OVCH2: variants seen among roughly 807,000 people sequenced by gnomAD.
The protein encoded by OVCH2 is ovochymase 2.
OVCH2 carries 88 observed loss-of-function variants against 73.7 expected under a neutral mutation model. The observed-to-expected ratio is 1.19, with a 90% CI of 1.01 to 1.43. The LOEUF (loss-of-function observed/expected upper bound fraction) is 1.43, where lower values mean the gene tolerates loss of function less well. Ranked by LOEUF, OVCH2 falls within the 40% of genes most tolerant of loss-of-function variation. OVCH2 has a pLI of 0.00. For missense variants in OVCH2, 706 were observed against 674.5 expected (o/e 1.05, Z -0.52); for synonymous variants, 265 against 234.5 (o/e 1.13, Z -1.19).
downstream of OVCH2, among the ~76,000 whole-genome samples, chr11:7,685,947 C>T (rs1024537437): frequency 2.0e-5 from 3 of 151,982 alleles, no homozygotes; most frequent in African/African-American, 7.3e-5. Flanking sequence ...AAAACAGATC[C>T]AAAGGCCAGG....
At position 7,695,612 on chromosome 11, in the gene OVCH2, A is replaced by T; in HGVS notation, c.1240T>A (p.Phe414Ile). ...TTAAGAGCTTTATAGGTAAGATTAAACCCAGCTGCATTATCTGTGGCATCA... is the reference window on the plus strand; with the variant it reads ...TTAAGAGCTTTATAGGTAAGATTAATCCCAGCTGCATTATCTGTGGCATCA... The part of the protein sequence containing the change: ...VSDATDNAAG[F>I]NLTYKALKPN... The change falls in exon 11 of 16, where the codon TTT becomes ATT. Residue 414 changes from phenylalanine to isoleucine, a missense_variant. Transcript: ENST00000533663. 6.2e-7 allele frequency: 1 copy of T among 1,613,190 alleles called. No individual in the cohort carries two copies. Among genetic ancestry groups the T allele is most frequent in the Non-Finnish European group, 8.5e-7 (1 of 1,179,736 alleles).
intron 6 of OVCH2, 94 bp downstream of exon 6, chr11:7,701,230 A>T: frequency 7.1e-7 from 1 of 1,413,716 alleles, no homozygotes; most frequent in Non-Finnish European, 9.4e-7. Context: ...CTTTCTAATT[A>T]AATTAAATTT....
intron 3 of OVCH2, among the ~76,000 whole-genome samples, chr11:7,702,761 A>C (rs904718689): frequency 6.6e-6 from 1 of 152,178 alleles, no homozygotes; most frequent in Non-Finnish European, 1.5e-5. Context: ...CTTAGTATAT[A>C]TTATAAGGCA....
At position 7,701,377 on chromosome 11, in the gene OVCH2, C is replaced by T. The variant is rs1202583505; in HGVS notation, c.658G>A (p.Gly220Arg). 1.2e-6 allele frequency: 2 copies of T among 1,613,184 alleles called. No individual in the cohort carries two copies. The highest frequency in any genetic ancestry group is 1.3e-5 in the African/African-American group (1 of 74,894). ...ALLTLKRPIS[G>R]KTFLCTGFPD... ...AAACCTGTGCAAAGAAAGGTCTTCC[C>T]ACTGATGGGCCTCTTTAGTGTTAAC... is the stretch of plus-strand genomic sequence containing the variant. Residue 220 changes from glycine to arginine, a missense_variant, in exon 6 of 16, where the codon GGG becomes AGG. Gly to Arg is a moderately radical substitution (Grantham distance 125). Transcript: ENST00000533663.
the OVCH2 span, among the ~76,000 whole-genome samples, chr11:7,681,858 A>G: frequency 3.3e-5 from 5 of 151,194 alleles, no homozygotes; most frequent in Non-Finnish European, 7.4e-5. Context: ...ATGTCCAAAA[A>G]AAAAAAAAAA....
At position 7,694,803 on chromosome 11, in the gene OVCH2, CTTTTTTTTT is replaced by C. The variant is rs34314441; in HGVS notation, c.1413+246_1413+254del. Among the ~76,000 whole-genome samples, 35 of 108,380 alleles carry C rather than the reference CTTTTTTTTT, an allele frequency of 3.2e-4. 1 individual carries two copies. The highest frequency in any genetic ancestry group is 1.1e-3 in the African/African-American group (31 of 27,588). 71.1% of individuals were successfully genotyped at this position (108,380 alleles called of 152,430 possible). A position where few individuals can be genotyped will look rare whatever the true frequency, so the allele number is the denominator to read the frequency against. ...ATTCAATACAAAGATTAAAGCGGCACTTTTTTTTTTTTTTTTTTTTTTTAAAGTAAGGAG... is the reference window on the plus strand; with the variant it reads ...ATTCAATACAAAGATTAAAGCGGCACTTTTTTTTTTTTTTAAAGTAAGGAG... On this transcript the variant is annotated intron_variant, in intron 12 of 15. Coordinates refer to ENST00000533663, the MANE Select transcript of OVCH2 (RefSeq NM_198185.7).
At chr11:7,700,266 C>A (rs1463334695) in intron 7 of OVCH2, 30 bp downstream of exon 7, 1 of 1,606,758 alleles carries the variant, frequency 6.2e-7, no homozygotes, top group Admixed American at 1.7e-5. Context: ...AGAATGGCAG[C>A]TTCTTAACCT....
chr11:7,702,309 T>C lies in OVCH2; in HGVS notation c.311A>G (p.Asn104Ser). Residue 104 changes from asparagine to serine, a missense_variant, in exon 4 of 16, where the codon AAT (asparagine) becomes AGT (serine). Coordinates refer to ENST00000533663, the MANE Select transcript of OVCH2 (RefSeq NM_198185.7). ...TAAGTCATACTCTCCAGCAGTAACATTCAAAGTAGACACAATGTTTCTATG... is the reference window on the plus strand; with the variant it reads ...TAAGTCATACTCTCCAGCAGTAACACTCAAAGTAGACACAATGTTTCTATG... ...IANRNIVSTL[N>S]VTAGEYDLSQ... The C allele has an allele frequency of 6.3e-7, 1 of 1,596,674 alleles. No individual in the cohort carries two copies. Among genetic ancestry groups the C allele is most frequent in the Non-Finnish European group, 8.5e-7 (1 of 1,174,952 alleles).
In OVCH2 at chr11:7,702,168, G is replaced by T. The variant is rs774713877; in HGVS notation, c.452C>A (p.Ala151Asp). The T allele has an allele frequency of 1.9e-6, 3 of 1,610,060 alleles. No individual in the cohort carries two copies. In the East Asian group the frequency reaches 6.7e-5, roughly 36 times the overall value. Residue 151 changes from alanine to aspartate, a missense_variant, in exon 4 of 16, where the codon GCC (alanine) becomes GAC (aspartate). Ala to Asp is a moderately radical substitution (Grantham distance 126, BLOSUM62 -2). Coordinates refer to ENST00000533663, the MANE Select transcript of OVCH2 (RefSeq NM_198185.7). ...CCTCAAATGTTTACCAAATTGGAAG[G>T]CTCCAGCCATCTTCAAAAGGGCAAT... ...YDIALLKMAG[A>D]FQFGHFVGPI...
At chr11:7,685,774 C>T (rs1856136073), downstream of OVCH2, among the ~76,000 whole-genome samples, 1 of 152,084 alleles carries the variant, frequency 6.6e-6, no homozygotes, top group South Asian at 2.1e-4. Flanking sequence ...ACATCTCTAC[C>T]TTCTCTTGTA....
intron 10 of OVCH2, 55 bp downstream of exon 10, chr11:7,696,410 C>A: frequency 6.2e-7 from 1 of 1,606,210 alleles, no homozygotes; most frequent in South Asian, 1.1e-5. Flanking sequence ...ATAACTAGGC[C>A]TCATTAAGCC....
rs554400860 is a variant in OVCH2, at chr11:7,692,192, A to C, written c.1414-197T>G. On this transcript the variant is annotated intron_variant, in intron 12 of 15. Transcript: ENST00000533663. ...CAGGCTCTAACTTTTTGAAATAGCT[A>C]CCAAATATGGCCTGAATCAAAGGGC... 3.0e-4 allele frequency among the ~76,000 whole-genome samples: 46 copies of C among 152,336 alleles called. 2 individuals are homozygous for C. In the South Asian group the frequency reaches 9.5e-3, roughly 32 times the overall value.
chr11:7,701,323 C>T lies in OVCH2; in HGVS notation c.711+1G>A, dbSNP rs1412344763. Reference sequence around the variant, plus strand: ...CTGACAGCCCCGCAGCTCCCACCCACCTGACATGCGTCTCTCCCTCCATCA... The same window carrying T: ...CTGACAGCCCCGCAGCTCCCACCCATCTGACATGCGTCTCTCCCTCCATCA... On this transcript the variant is annotated splice_donor_variant, in intron 6 of 15. Coordinates refer to ENST00000533663, the MANE Select transcript of OVCH2 (RefSeq NM_198185.7). LOFTEE classifies it high-confidence loss of function. The T allele has an allele frequency of 1.9e-6, 3 of 1,610,670 alleles. No homozygotes were observed. In the East Asian group the frequency reaches 6.7e-5, roughly 36 times the overall value.
At chr11:7,699,021 A>G (rs986345066) in intron 7 of OVCH2, 4 of 441,648 alleles carry the variant, frequency 9.1e-6, no homozygotes, top group Non-Finnish European at 1.6e-5. Flanking sequence ...GGTTTCACAG[A>G]GGAAGGGGTC....
chr11:7,701,507 G>GAACTCT (rs758933027), intron 5 of OVCH2, 32 bp from the exon 6 acceptor site: 2 of 1,598,686 alleles, frequency 1.3e-6, no homozygotes, highest in Admixed American at 1.7e-5. Context: ...GCCCCAGCAG[G>GAACTCT]AACTCTTTCA....
intron 14 of OVCH2, 120 bp downstream of exon 14, chr11:7,691,149 G>T: frequency 8.1e-7 from 1 of 1,229,686 alleles, no homozygotes; most frequent in Non-Finnish European, 1.1e-6. Flanking sequence ...TGACTTGATA[G>T]GATGTAATTA....
At chr11:7,697,580 T>C (rs1472653910) in intron 8 of OVCH2, among the ~76,000 whole-genome samples, 3 of 152,218 alleles carry the variant, frequency 2.0e-5, no homozygotes, top group African/African-American at 7.2e-5. Flanking sequence ...TCAGCAAAAC[T>C]GCACCCACTT....
intron 14 of OVCH2, 29 bp from the exon 15 acceptor site, chr11:7,690,042 G>A (rs1317493196): frequency 9.9e-6 from 14 of 1,410,760 alleles, no homozygotes; most frequent in East Asian, 2.5e-5. Context: ...CAATTACTCA[G>A]TTTCCACAAA....
intron 8 of OVCH2, 101 bp downstream of exon 8, chr11:7,698,649 G>A (rs1856378798): frequency 2.3e-6 from 3 of 1,282,406 alleles, no homozygotes; most frequent in Non-Finnish European, 3.3e-6. Context: ...GACCTACTGA[G>A]CAGGGAGCGC....
Sources: allele counts gnomAD v4.1 joint callset (sites outside exome capture counted in the v4.1 genomes callset), GRCh38; gene constraint gnomAD v4.1.1; transcripts MANE v1.5; gene names NCBI Gene and HGNC (gene_info 2026-07-23, HGNC 2026-07-21).